Variants in IL34 observed in about 807,000 individuals in gnomAD.
IL34 encodes the protein interleukin 34.
A neutral mutation model predicts 25.3 loss-of-function variants in IL34; 17 were observed. The observed-to-expected ratio is 0.67, with a 90% CI of 0.46 to 1.01. The LOEUF is 1.01. Ranked by LOEUF, IL34 falls within the 50% of genes least tolerant of loss-of-function variation. The pLI is 0.00. For synonymous variants in IL34, 174 were observed against 140.9 expected (o/e 1.23, Z -1.66); for missense variants, 368 against 312.9 (o/e 1.18, Z -1.33).
rs1419276769 is a variant in IL34 at position 70,633,737 on chromosome 16, G to A, written c.-400-12811G>A. Among the ~76,000 whole-genome samples, 8 of 152,308 alleles carry A rather than the reference G, an allele frequency of 5.3e-5. No homozygotes were observed. The East Asian group carries it at 9.6e-4, about 18-fold the overall frequency. ...AAGCCCATGATCTCTGTGAAGGCTTGAGGGGAGGATCTTTTCCTGTCTCTT... is the reference window on the plus strand; with the variant it reads ...AAGCCCATGATCTCTGTGAAGGCTTAAGGGGAGGATCTTTTCCTGTCTCTT... On this transcript the variant is annotated intron_variant, in intron 1 of 6. Coordinates refer to the IL34 transcript ENST00000429149.
intron 1 of IL34, among the ~76,000 whole-genome samples, chr16:70,633,918 T>C (rs1418243535): frequency 6.6e-6 from 1 of 151,862 alleles, no homozygotes; most frequent in Non-Finnish European, 1.5e-5. Context: ...TGGCGTGATC[T>C]TGGCTCACTG....
chr16:70,637,386 T>C (rs2151858092), intron 1 of IL34, among the ~76,000 whole-genome samples: 1 of 152,304 alleles, frequency 6.6e-6, no homozygotes, highest in African/African-American at 2.4e-5. Context: ...GAGATGATTT[T>C]CTTGTTTCCC....
chr16:70,619,234 G>C (rs1270278754), intron 1 of IL34, among the ~76,000 whole-genome samples: 1 of 152,100 alleles, frequency 6.6e-6, no homozygotes, highest in Non-Finnish European at 1.5e-5. Flanking sequence ...GTGGGGTAAG[G>C]GTGATTAGGT....
At chr16:70,655,683 T>A (rs1446590253) in intron 2 of IL34, among the ~76,000 whole-genome samples, 1 of 152,148 alleles carries the variant, frequency 6.6e-6, no homozygotes, top group Non-Finnish European at 1.5e-5. Flanking sequence ...TGAGCCACCA[T>A]GCCTGACCAA....
At chr16:70,644,344 G>T (rs772112125), upstream of IL34, among the ~76,000 whole-genome samples, 3 of 152,108 alleles carry the variant, frequency 2.0e-5, no homozygotes, top group East Asian at 5.8e-4. Context: ...GGGATTACAG[G>T]TGTGAGACAC....
intron 1 of IL34, among the ~76,000 whole-genome samples, chr16:70,640,719 T>C (rs1471635892): frequency 2.0e-5 from 3 of 152,154 alleles, no homozygotes; most frequent in Non-Finnish European, 2.9e-5. Flanking sequence ...AGTTGATGTA[T>C]GGTAAAGCTC....
intron 4 of IL34, 150 bp from the exon 5 acceptor site, chr16:70,659,468 G>A: frequency 2.0e-6 from 2 of 984,236 alleles, no homozygotes. Context: ...GGAAGAAGAT[G>A]GTGAGAAATA....
At chr16:70,631,192 T>C (rs972769190) in intron 1 of IL34, among the ~76,000 whole-genome samples, 1 of 152,236 alleles carries the variant, frequency 6.6e-6, no homozygotes, top group African/African-American at 2.4e-5. Flanking sequence ...TTTTCCAGTG[T>C]CTTGTGCCCC....
rs2051281838 is a variant in IL34, at chr16:70,621,510, C to A, written c.-400-25038C>A. On this transcript the variant is annotated intron_variant, in intron 1 of 6. Transcript: ENST00000429149. ...TTCCTTGGGCTGGTCGGTCTGAGGA[C>A]CTGAGGTCGTAGGTGGATCTTTCTC... 2.0e-5 allele frequency among the ~76,000 whole-genome samples: 3 copies of A among 152,144 alleles called. 1 individual carries two copies. The South Asian group carries it at 6.2e-4, about 32-fold the overall frequency.
chr16:70,649,251 C>A (rs771633944), intron 1 of IL34, among the ~76,000 whole-genome samples: 1 of 152,224 alleles, frequency 6.6e-6, no homozygotes, highest in Non-Finnish European at 1.5e-5. Context: ...CCAGAGGAAG[C>A]GTACTGAGGA....
At chr16:70,593,433 G>C (rs2050779650) in intron 1 of IL34, among the ~76,000 whole-genome samples, 1 of 152,078 alleles carries the variant, frequency 6.6e-6, no homozygotes, top group Non-Finnish European at 1.5e-5. Flanking sequence ...TTAGGTTCAA[G>C]TTTCATTTTG....
intron 1 of IL34, among the ~76,000 whole-genome samples, chr16:70,617,431 T>A (rs1038697075): frequency 5.3e-5 from 8 of 152,104 alleles, no homozygotes; most frequent in African/African-American, 1.9e-4. Flanking sequence ...GTATGAGTAG[T>A]TGAGAACGGA....
intron 1 of IL34, among the ~76,000 whole-genome samples, chr16:70,641,507 CTCTCCCTCCCTCCCTT>C (rs1302509370): frequency 1.3e-4 from 13 of 96,726 alleles, no homozygotes; most frequent in African/African-American, 5.2e-4. Context: ...TTCCCTCCCT[CTCTCCCTCCCTCCCTT>C]CCTCCCTCCC....
chr16:70,634,684 A>C (rs2051599881), intron 1 of IL34, among the ~76,000 whole-genome samples: 1 of 152,046 alleles, frequency 6.6e-6, no homozygotes, highest in Admixed American at 6.6e-5. Context: ...CGAATCAAAA[A>C]AAAAAAAAAA....
chr16:70,629,426 T>C (rs775271354), intron 1 of IL34, among the ~76,000 whole-genome samples: 19 of 152,186 alleles, frequency 1.2e-4, no homozygotes, highest in Non-Finnish European at 2.1e-4. Flanking sequence ...ACAGTTGTCC[T>C]TTTGTATACT....
intron 3 of IL34, 24 bp from the exon 4 acceptor site, chr16:70,656,936 G>T (rs749626873): frequency 6.3e-7 from 1 of 1,592,888 alleles, no homozygotes; most frequent in Non-Finnish European, 8.6e-7. Flanking sequence ...CTCCCGAGTT[G>T]CAGTGACTTC....
chr16:70,657,468 T>G (rs1204976458), intron 4 of IL34: 7 of 243,840 alleles, frequency 2.9e-5, no homozygotes, highest in Non-Finnish European at 4.8e-5. Context: ...AGGGGAAGAA[T>G]GGATGGAGCA....
chr16:70,582,912 G>A (rs553578324), intron 1 of IL34, among the ~76,000 whole-genome samples: 1 of 152,322 alleles, frequency 6.6e-6, no homozygotes, highest in East Asian at 1.9e-4. Flanking sequence ...GCAGAGATTG[G>A]AAGGAAGCTG....
At chr16:70,586,368 A>C (rs543887583) in intron 1 of IL34, among the ~76,000 whole-genome samples, 5 of 152,270 alleles carry the variant, frequency 3.3e-5, no homozygotes, top group African/African-American at 7.2e-5. Context: ...CAGGAGTTGG[A>C]GATCAGCCTG....
Sources: gnomAD v4.1 joint callset for allele counts (sites outside exome capture counted in the v4.1 genomes callset) on GRCh38, gnomAD v4.1.1 for gene constraint, MANE v1.5 for transcripts, NCBI Gene and HGNC (gene_info 2026-07-23, HGNC 2026-07-21) for gene names.